Variants in RABGAP1L observed in about 807,000 individuals in gnomAD.
RABGAP1L encodes the protein RAB GTPase activating protein 1 like, also known as rab GTPase-activating protein 1-like.
In RABGAP1L, 63 loss-of-function variants were observed where a neutral mutation model predicts 137.7. That is an observed-to-expected ratio of 0.46 (90% confidence interval 0.37 to 0.56). RABGAP1L has a LOEUF of 0.56. Ranked by LOEUF, RABGAP1L falls within the 20% of genes least tolerant of loss-of-function variation. The probability of loss-of-function intolerance (pLI) is 0.00; values close to 1 mark genes in which losing one functional copy is unlikely to be tolerated. For missense variants in RABGAP1L, 1,095 were observed against 1,244.0 expected (o/e 0.88, Z 1.80); for synonymous variants, 431 against 433.7 (o/e 0.99, Z 0.08).
At chr1:174,784,937 T>C (rs1315879871) in intron 18 of RABGAP1L, among the ~76,000 whole-genome samples, 1 of 152,232 alleles carries the variant, frequency 6.6e-6, no homozygotes, top group Non-Finnish European at 1.5e-5. Context: ...AAAGATGGCA[T>C]ATTTTAAATA....
intron 20 of RABGAP1L, among the ~76,000 whole-genome samples, chr1:174,963,463 T>C (rs1488397164): frequency 6.6e-6 from 1 of 152,182 alleles, no homozygotes; most frequent in Non-Finnish European, 1.5e-5. Flanking sequence ...AAGAATATGC[T>C]TTAGGAACAC....
chr1:174,244,560 G>C (rs1301918668), intron 5 of RABGAP1L: 1 of 152,202 alleles, frequency 6.6e-6, no homozygotes, highest in Non-Finnish European at 1.5e-5. Flanking sequence ...GCAGGACTGT[G>C]CTTTAGTAGA....
intron 13 of RABGAP1L, among the ~76,000 whole-genome samples, chr1:174,611,964 A>G (rs1291511974): frequency 6.6e-6 from 1 of 152,190 alleles, no homozygotes. Context: ...GGGCTGAGAC[A>G]TTGGGGTTTC....
intron 13 of RABGAP1L, among the ~76,000 whole-genome samples, chr1:174,394,755 A>C (rs960603582): frequency 3.3e-5 from 5 of 152,026 alleles, no homozygotes; most frequent in Admixed American, 6.6e-5. Context: ...TAATAGTAAA[A>C]TTTTATTTTT....
At chr1:174,822,421 G>C (rs1691127100) in intron 19 of RABGAP1L, among the ~76,000 whole-genome samples, 1 of 152,186 alleles carries the variant, frequency 6.6e-6, no homozygotes, top group Middle Eastern at 3.2e-3. Context: ...GTTAATGTTG[G>C]ACATGTTCTG....
intron 10 of RABGAP1L, among the ~76,000 whole-genome samples, chr1:174,297,229 G>A (rs1284280372): frequency 6.6e-6 from 1 of 152,168 alleles, no homozygotes; most frequent in Non-Finnish European, 1.5e-5. Context: ...ATGACATAGT[G>A]TTGCAGGTTT....
chr1:174,831,870 G>A (rs1334046136), intron 19 of RABGAP1L, among the ~76,000 whole-genome samples: 1 of 148,436 alleles, frequency 6.7e-6, no homozygotes, highest in African/African-American at 2.5e-5. Flanking sequence ...TAAGGTAGGA[G>A]AGTGGAGTTG....
chr1:174,852,815 C>CAAA (rs71117583), intron 19 of RABGAP1L, among the ~76,000 whole-genome samples: 33 of 143,430 alleles, frequency 2.3e-4, no homozygotes, highest in Non-Finnish European at 3.6e-4. Flanking sequence ...GATTTGGTCT[C>CAAA]AAAAAAAAAA....
At chr1:174,694,228 T>A (rs910171296) in intron 15 of RABGAP1L, among the ~76,000 whole-genome samples, 3 of 152,088 alleles carry the variant, frequency 2.0e-5, no homozygotes, top group African/African-American at 7.2e-5. Context: ...CTTTAAGTTT[T>A]AGGGTACATG....
chr1:174,562,143 T>C (rs1667262687), intron 13 of RABGAP1L, among the ~76,000 whole-genome samples: 3 of 152,104 alleles, frequency 2.0e-5, no homozygotes, highest in Admixed American at 2.0e-4. Context: ...TACAAAGAAC[T>C]TAAACAGATT....
chr1:174,890,602 C>G (rs541679150), intron 19 of RABGAP1L, among the ~76,000 whole-genome samples: 1 of 152,254 alleles, frequency 6.6e-6, no homozygotes, highest in South Asian at 2.1e-4. Flanking sequence ...GAAATGATAT[C>G]CAGTGAAGTT....
In RABGAP1L at chr1:174,387,411, T is replaced by C. The variant is rs75577250; in HGVS notation, c.1560-6584T>C. ...TTATCAATAAATCCTTCTGTAAGCA[T>C]TGTAGACCTAATGGAAATTTTTGAA... On this transcript the variant is annotated intron_variant, in intron 12 of 25. Coordinates refer to ENST00000681986, the MANE Select transcript of RABGAP1L (RefSeq NM_001366446.1). 9.4e-4 allele frequency among the ~76,000 whole-genome samples: 143 copies of C among 152,268 alleles called. No individual in the cohort carries two copies. The East Asian group carries it at 0.023, about 24-fold the overall frequency.
At chr1:174,896,635 T>TC (rs1161536495) in intron 19 of RABGAP1L, among the ~76,000 whole-genome samples, 3 of 152,214 alleles carry the variant, frequency 2.0e-5, no homozygotes, top group Non-Finnish European at 2.9e-5. Flanking sequence ...AAGGAAGGGA[T>TC]CCAGTTTTAG....
chr1:174,352,553 G>T (rs1006018083), intron 11 of RABGAP1L, among the ~76,000 whole-genome samples: 1 of 152,146 alleles, frequency 6.6e-6, no homozygotes, highest in African/African-American at 2.4e-5. Flanking sequence ...ACATATCTCT[G>T]TTACTTTTGG....
At chr1:174,662,386 G>A (rs1043359422) in intron 14 of RABGAP1L, among the ~76,000 whole-genome samples, 1 of 144,094 alleles carries the variant, frequency 6.9e-6, no homozygotes, top group Non-Finnish European at 1.5e-5. Flanking sequence ...TTACAGGCGT[G>A]AGCCACCGCG....
intron 11 of RABGAP1L, among the ~76,000 whole-genome samples, chr1:174,319,862 C>T (rs72713528): frequency 0.21 from 31,706 of 151,942 alleles, 3,653 homozygotes; most frequent in Admixed American, 0.25. Flanking sequence ...TGTTCCTCTG[C>T]GGTTATTTAG....
intron 18 of RABGAP1L, among the ~76,000 whole-genome samples, chr1:174,784,271 G>A (rs746497108): frequency 2.6e-5 from 4 of 151,832 alleles, no homozygotes; most frequent in Non-Finnish European, 5.9e-5. Context: ...CGCCCACCTC[G>A]GCTCCCGAAA....
At chr1:174,941,629 G>A (rs1262445667) in intron 19 of RABGAP1L, among the ~76,000 whole-genome samples, 1 of 152,106 alleles carries the variant, frequency 6.6e-6, no homozygotes, top group Non-Finnish European at 1.5e-5. Context: ...CTATGGCCAT[G>A]CCTGTCTTCA....
At chr1:174,233,075 C>T (rs1670822125) in intron 4 of RABGAP1L, among the ~76,000 whole-genome samples, 1 of 152,098 alleles carries the variant, frequency 6.6e-6, no homozygotes, top group South Asian at 2.1e-4. Context: ...TTCATGTGTT[C>T]TTACATGGTG....
Sources: allele counts gnomAD v4.1 joint callset (sites outside exome capture counted in the v4.1 genomes callset), GRCh38; gene constraint gnomAD v4.1.1; transcripts MANE v1.5; gene names NCBI Gene and HGNC (gene_info 2026-07-23, HGNC 2026-07-21).